SYNE1: variants seen among roughly 807,000 people sequenced by gnomAD.
The protein encoded by SYNE1 is spectrin repeat containing nuclear envelope protein 1.
A neutral mutation model predicts 1,111.0 loss-of-function variants in SYNE1; 616 were observed. That is an observed-to-expected ratio of 0.55 (90% CI 0.52 to 0.59). The LOEUF is 0.59. SYNE1 is among the 20% of genes least tolerant of loss of function. The pLI is 0.00. For missense variants in SYNE1, 10,006 were observed against 10,417.0 expected, an observed-to-expected ratio of 0.96 and a Z score of 1.72; for synonymous variants, 3,855 against 3,825.8, an observed-to-expected ratio of 1.01 and a Z score of -0.28.
intron 95 of SYNE1, among the ~76,000 whole-genome samples, chr6:152,285,471 C>A (rs2094278846): frequency 6.6e-6 from 1 of 152,170 alleles, no homozygotes; most frequent in African/African-American, 2.4e-5. Context: ...GAAATATGTA[C>A]TGGATTCTTG....
rs1050495100 is a variant in SYNE1 at position 152,391,546 on chromosome 6, G to C, written c.7735C>G (p.Gln2579Glu). 1.3e-6 allele frequency: 2 copies of C among 1,558,232 alleles called. No individual in the cohort carries two copies. The highest frequency in any genetic ancestry group is 2.5e-5 in the East Asian group (1 of 39,980). ...AARESLDKLS[Q>E]RGQLLSEEGH... ...TCTTCACTCAGAAGCTGCCCTCTCT[G>C]GGAAAGCTTATCAAGAGACTCTCTG... Residue 2579 changes from glutamine to glutamate, a missense_variant, in exon 52 of 146, where the codon CAG (glutamine) becomes GAG (glutamate). Coordinates refer to ENST00000367255, the MANE Select transcript of SYNE1 (RefSeq NM_182961.4).
chr6:152,269,326 C>G, intron 98 of SYNE1, 40 bp from the exon 99 acceptor site: 2 of 1,613,308 alleles, frequency 1.2e-6, no homozygotes, highest in East Asian at 2.2e-5. Context: ...TGCTACACAC[C>G]GGAAAACCTT....
chr6:152,168,125 C>T (rs754305784), intron 130 of SYNE1: 9 of 780,056 alleles, frequency 1.2e-5, no homozygotes, highest in Non-Finnish European at 2.2e-5. Context: ...TGTGACATCG[C>T]AGTTACAATC....
At chr6:152,619,723 G>A (rs1054665514) in intron 3 of SYNE1, among the ~76,000 whole-genome samples, 13 of 152,090 alleles carry the variant, frequency 8.5e-5, no homozygotes, top group African/African-American at 2.2e-4. Flanking sequence ...GGCACTGAGA[G>A]GCGGGGCAGT....
In SYNE1 at chr6:152,284,065, C is replaced by T; in HGVS notation, c.18120G>A (p.Gln6040=). 1 of 1,614,202 alleles carries T rather than the reference C, an allele frequency of 6.2e-7. No homozygotes were observed. The highest frequency in any genetic ancestry group is 1.1e-5 in the South Asian group (1 of 91,086). ...CAGTGAGCGTGGACTGCAAGGCCAG[C>T]TGCTCCGCAGGGTCGGCCTCACAAG... ...SESCEADPAE[Q]LALQSTLTVL... The change falls in exon 96 of 146, where the codon CAG becomes CAA. Residue 6040 remains glutamine, a synonymous_variant. Coordinates refer to ENST00000367255, the MANE Select transcript of SYNE1 (RefSeq NM_182961.4).
chr6:152,510,982 C>A (rs1240835697), intron 7 of SYNE1, 29 bp downstream of exon 7: 1 of 1,590,186 alleles, frequency 6.3e-7, no homozygotes. Flanking sequence ...GACATTGCAT[C>A]AACTGAAAGA....
At position 152,409,591 on chromosome 6, in the gene SYNE1, C is replaced by T. The variant is rs200640405; in HGVS notation, c.6349G>A (p.Asp2117Asn). The change falls in exon 43 of 146, where the codon GAT (aspartate) becomes AAT (asparagine). Residue 2117 changes from aspartate (D) to asparagine (N), a missense_variant. Coordinates refer to ENST00000367255, the MANE Select transcript of SYNE1 (RefSeq NM_182961.4). ...SVIVTRTTIK[D>N]QEDLKWAFSK... Reference sequence around the variant, plus strand: ...AAAGCCCATTTAAGATCCTCCTGATCTTTTATGGTAGTTCTGGTTACAATC... The same window carrying T: ...AAAGCCCATTTAAGATCCTCCTGATTTTTTATGGTAGTTCTGGTTACAATC... 8.7e-6 allele frequency: 14 copies of T among 1,613,836 alleles called. No homozygotes were observed. In the African/African-American group the frequency reaches 1.7e-4, roughly 20 times the overall value.
chr6:152,344,978 T>G (rs983437861), intron 73 of SYNE1, among the ~76,000 whole-genome samples: 1 of 152,188 alleles, frequency 6.6e-6, no homozygotes. Flanking sequence ...TGGCATTTCT[T>G]TCATTATTGA....
chr6:152,329,851 C>T lies in SYNE1; in HGVS notation c.14834G>A (p.Ser4945Asn). The T allele has an allele frequency of 6.2e-7, 1 of 1,614,180 alleles. No homozygotes were observed. Among genetic ancestry groups the T allele is most frequent in the South Asian group, 1.1e-5 (1 of 91,088 alleles). ...QSSLRIMNAL[S>N]HKEKEKFTKA... ...TGTGAACTTCTCCTTTTCCTTGTGA[C>T]TCAGCGCATTCATGATTCTCAAGCT... The change falls in exon 78 of 146, where the codon AGT becomes AAT. Residue 4945 changes from serine (S) to asparagine (N), a missense_variant. Ser to Asn is a conservative substitution (Grantham distance 46, BLOSUM62 1). This residue lies in a region of SYNE1 where 4,955 missense variants were observed against 5,017.2 expected (regional missense o/e 0.99). Coordinates refer to ENST00000367255, the MANE Select transcript of SYNE1 (RefSeq NM_182961.4).
intron 91 of SYNE1, 115 bp from the exon 92 acceptor site, chr6:152,302,178 G>C (rs145151286): frequency 5.6e-6 from 8 of 1,418,146 alleles, no homozygotes; most frequent in Non-Finnish European, 7.9e-6. Context: ...GCGCGGGCCC[G>C]GGAGGCAGGA....
intron 87 of SYNE1, chr6:152,316,603 T>A: frequency 1.9e-6 from 1 of 512,862 alleles, no homozygotes; most frequent in Non-Finnish European, 3.5e-6. Flanking sequence ...CAAGGCTGAT[T>A]GGTTTGGGTC....
At chr6:152,202,346 CAAAAAAAAAAA>C (rs35563822) in intron 126 of SYNE1, among the ~76,000 whole-genome samples, 1 of 48,042 alleles carries the variant, frequency 2.1e-5, no homozygotes, top group African/African-American at 6.5e-5. Context: ...GACTCTGTCT[CAAAAAAAAAAA>C]AAAAAAAAAA....
At chr6:152,520,405 A>G (rs774544687) in intron 6 of SYNE1, 54 bp downstream of exon 6, 13 of 1,579,970 alleles carry the variant, frequency 8.2e-6, no homozygotes, top group South Asian at 1.1e-5. Flanking sequence ...TACTGAAAAC[A>G]TAAGTATGCC....
At chr6:152,536,341 A>C (rs1022470461) in intron 4 of SYNE1, among the ~76,000 whole-genome samples, 1 of 136,902 alleles carries the variant, frequency 7.3e-6, no homozygotes, top group Non-Finnish European at 1.6e-5. Context: ...ATATATATAT[A>C]TAACTATATA....
chr6:152,191,345 G>A (rs1340570548), intron 127 of SYNE1, among the ~76,000 whole-genome samples: 2 of 151,526 alleles, frequency 1.3e-5, no homozygotes, highest in Non-Finnish European at 2.9e-5. Context: ...AGAATAGATT[G>A]AGTAGGATTG....
intron 25 of SYNE1, 81 bp from the exon 26 acceptor site, chr6:152,451,286 A>C (rs575647355): frequency 3.7e-5 from 54 of 1,443,196 alleles, no homozygotes; most frequent in African/African-American, 1.9e-4. Flanking sequence ...CAAAAAAAAA[A>C]ACAAAAACCA....
Position 152,583,061 on chromosome 6 carries a change from C to T in SYNE1, c.68-43040G>A, listed in dbSNP as rs113129522. On this transcript the variant is annotated intron_variant, in intron 3 of 145. Transcript: ENST00000367255. ...ATTCTGAAGTGTTATAAATCTTATACATTTTATAATTATTTTATTGACAAA... is the reference window on the plus strand; with the variant it reads ...ATTCTGAAGTGTTATAAATCTTATATATTTTATAATTATTTTATTGACAAA... Among the ~76,000 whole-genome samples the T allele has an allele frequency of 2.8e-3, 433 of 152,280 alleles. 4 individuals are homozygous for T. Among genetic ancestry groups the T allele is most frequent in the African/African-American group, 9.6e-3 (397 of 41,560 alleles).
At chr6:152,181,674 T>A (rs571506471) in intron 128 of SYNE1, among the ~76,000 whole-genome samples, 42 of 152,374 alleles carry the variant, frequency 2.8e-4, no homozygotes, top group African/African-American at 9.6e-4. Context: ...TATTCCATTG[T>A]ATGAATATAC....
At chr6:152,349,828 T>A (rs1313691306) in intron 72 of SYNE1, among the ~76,000 whole-genome samples, 1 of 152,176 alleles carries the variant, frequency 6.6e-6, no homozygotes, top group East Asian at 1.9e-4. Context: ...TGAGATCTGA[T>A]GGTTTTAAAA....
Sources: allele counts gnomAD v4.1 joint callset (sites outside exome capture counted in the v4.1 genomes callset), GRCh38; gene constraint gnomAD v4.1.1; regional missense constraint gnomAD v4.1.1; transcripts MANE v1.5; gene names NCBI Gene and HGNC (gene_info 2026-07-23, HGNC 2026-07-21).